Variants in LSM3 observed in about 807,000 individuals in gnomAD.
The protein encoded by LSM3 is LSM3 homolog, U6 small nuclear RNA and mRNA degradation associated, also known as U6 snRNA-associated Sm-like protein LSm3.
A neutral mutation model predicts 15.4 loss-of-function variants in LSM3; 14 were observed. That is an observed-to-expected ratio of 0.91 (90% CI 0.60 to 1.42). The LOEUF (loss-of-function observed/expected upper bound fraction) is 1.42. Ranked by LOEUF, LSM3 falls within the 40% of genes most tolerant of loss-of-function variation. The pLI is 0.00. For missense variants in LSM3, 88 were observed against 127.9 expected (o/e 0.69, Z 1.50); for synonymous variants, 46 against 45.1 (o/e 1.02, Z -0.08).
At chr3:14,184,956 C>G (rs1697074487) in intron 3 of LSM3, among the ~76,000 whole-genome samples, 1 of 152,044 alleles carries the variant, frequency 6.6e-6, no homozygotes, top group Non-Finnish European at 1.5e-5. Flanking sequence ...ACTTGGGAGG[C>G]TGAGGCAGGA....
intron 3 of LSM3, among the ~76,000 whole-genome samples, chr3:14,192,738 GTC>G (rs1323848744): frequency 2.0e-5 from 3 of 152,188 alleles, no homozygotes; most frequent in Non-Finnish European, 2.9e-5. Flanking sequence ...CAGTTTGCCA[GTC>G]TGTTTCTTTT....
chr3:14,196,406 T>C (rs184577950), intron 3 of LSM3, among the ~76,000 whole-genome samples: 2 of 152,126 alleles, frequency 1.3e-5, no homozygotes, highest in Admixed American at 1.3e-4. Flanking sequence ...TGACTTTCGG[T>C]TTTCTCCGTC....
In LSM3 at chr3:14,185,730, G is replaced by C. The variant is rs368273281; in HGVS notation, c.228+1698G>C. ...GTAACAGTAAACTTTTCGTACTCTTGTTAGGTGAAAATTCATTAATCTGCC... is the reference window on the plus strand; with the variant it reads ...GTAACAGTAAACTTTTCGTACTCTTCTTAGGTGAAAATTCATTAATCTGCC... On this transcript the variant is annotated intron_variant, in intron 3 of 3. Transcript: ENST00000306024. Among the ~76,000 whole-genome samples, 77 of 152,272 alleles carry C rather than the reference G, an allele frequency of 5.1e-4. 1 individual carries two copies. In the South Asian group the frequency reaches 0.015, roughly 30 times the overall value.
chr3:14,184,145 A>G (rs1325036848), intron 3 of LSM3, 113 bp downstream of exon 3: 1 of 1,296,244 alleles, frequency 7.7e-7, no homozygotes. Context: ...TTATGGACTC[A>G]GTAGAGCATA....
intron 3 of LSM3, among the ~76,000 whole-genome samples, chr3:14,197,238 G>A (rs1437646840): frequency 1.3e-5 from 2 of 152,184 alleles, no homozygotes; most frequent in East Asian, 1.9e-4. Flanking sequence ...GAGCTTTTCT[G>A]TTTCTTCTAC....
intron 1 of LSM3, among the ~76,000 whole-genome samples, chr3:14,180,307 T>G (rs1271220629): frequency 1.3e-5 from 2 of 152,146 alleles, no homozygotes. Flanking sequence ...TTCTTTTTTT[T>G]GGATGGAGTC....
chr3:14,186,707 A>G (rs1697092903), intron 3 of LSM3, among the ~76,000 whole-genome samples: 1 of 152,096 alleles, frequency 6.6e-6, no homozygotes, highest in Non-Finnish European at 1.5e-5. Context: ...AATTTCATTT[A>G]TTAACTATTG....
Position 14,198,229 on chromosome 3 carries a change from C to T in LSM3, c.*113C>T. On this transcript the variant is annotated 3_prime_UTR_variant, in exon 4 of 4. Coordinates refer to ENST00000306024, the MANE Select transcript of LSM3 (RefSeq NM_014463.3). ...TACATTTTGATATTAAGAAATAATT[C>T]CGGGGATTCTTCCACTCCTGAAATG... The T allele has an allele frequency of 1.3e-6, 1 of 775,856 alleles. No individual in the cohort carries two copies. The highest frequency in any genetic ancestry group is 2.2e-6 in the Non-Finnish European group (1 of 459,062). The allele number at this position is 775,856 out of a possible 1,614,324, so 48.1% of individuals were successfully genotyped here.
At chr3:14,186,377 A>G (rs1307865311) in intron 3 of LSM3, among the ~76,000 whole-genome samples, 1 of 152,218 alleles carries the variant, frequency 6.6e-6, no homozygotes, top group Non-Finnish European at 1.5e-5. Context: ...GTAAAATGGG[A>G]GTAATGATAG....
rs1276478807 is a variant in LSM3 at position 14,184,685 on chromosome 3, A to G, written c.228+653A>G. ...GGCAGGAGAATGGCGTGAACCCGGG[A>G]GGCGGAGCTTGCAGTGAGCCGAGAT... On this transcript the variant is annotated intron_variant, in intron 3 of 3. Transcript: ENST00000306024. Among the ~76,000 whole-genome samples, 33 of 149,252 alleles carry G rather than the reference A, an allele frequency of 2.2e-4. No individual in the cohort carries two copies. The East Asian group carries it at 4.8e-3, about 22-fold the overall frequency.
At chr3:14,188,736 G>A (rs1697113262) in intron 3 of LSM3, among the ~76,000 whole-genome samples, 1 of 150,250 alleles carries the variant, frequency 6.7e-6, no homozygotes, top group Non-Finnish European at 1.5e-5. Flanking sequence ...CTGTTTTCCT[G>A]TTGATGGACA....
rs1202946856 is a variant in LSM3 at position 14,198,612 on chromosome 3, A to C, written c.*496A>C. The C allele has an allele frequency of 6.5e-6, 1 of 154,692 alleles. No individual in the cohort carries two copies. Among genetic ancestry groups the C allele is most frequent in the Non-Finnish European group, 1.4e-5 (1 of 69,846 alleles). 9.6% of individuals were successfully genotyped at this position (154,692 alleles called of 1,614,324 possible). On this transcript the variant is annotated 3_prime_UTR_variant, in exon 4 of 4. Coordinates refer to ENST00000306024, the MANE Select transcript of LSM3 (RefSeq NM_014463.3). ...GGTGGCTCATGCCTGTAATCCCAGC[A>C]CTTTGGGAGGCCAAGGTGGGTGGAT...
chr3:14,183,811 T>C, intron 2 of LSM3, 126 bp from the exon 3 acceptor site: 1 of 579,602 alleles, frequency 1.7e-6, no homozygotes, highest in East Asian at 3.1e-5. Flanking sequence ...TTTATTTGCA[T>C]GTAAAAGTTT....
chr3:14,184,048 C>G lies in LSM3; in HGVS notation c.228+16C>G. 1 of 1,594,440 alleles carries G rather than the reference C, an allele frequency of 6.3e-7. No individual in the cohort carries two copies. Among genetic ancestry groups the G allele is most frequent in the Non-Finnish European group, 8.5e-7 (1 of 1,173,650 alleles). ...GATATATAAAGTAAGTCATGCAATT[C>G]TATTCATTGCTTTGCAAATATCAGC... On this transcript the variant is annotated intron_variant, in intron 3 of 3. Coordinates refer to ENST00000306024, the MANE Select transcript of LSM3 (RefSeq NM_014463.3).
chr3:14,179,197 T>C (rs1303728752), intron 1 of LSM3, among the ~76,000 whole-genome samples: 1 of 152,230 alleles, frequency 6.6e-6, no homozygotes, highest in Non-Finnish European at 1.5e-5. Context: ...TTGTTATCAT[T>C]AGTGAGCGCA....
In LSM3 at chr3:14,198,613, C is replaced by T. The variant is rs1697206896; in HGVS notation, c.*497C>T. 1 of 154,688 alleles carries T rather than the reference C, an allele frequency of 6.5e-6. No homozygotes were observed. Among genetic ancestry groups the T allele is most frequent in the African/African-American group, 2.4e-5 (1 of 41,464 alleles). The allele number at this position is 154,688 out of a possible 1,614,324, so 9.6% of individuals were successfully genotyped here. ...GTGGCTCATGCCTGTAATCCCAGCA[C>T]TTTGGGAGGCCAAGGTGGGTGGATC... On this transcript the variant is annotated 3_prime_UTR_variant, in exon 4 of 4. Transcript: ENST00000306024.
In LSM3 at chr3:14,199,944, C is replaced by T. The variant is rs1413372725; in HGVS notation, c.*1828C>T. 3 of 152,230 alleles carry T rather than the reference C, an allele frequency of 2.0e-5. No individual in the cohort carries two copies. The highest frequency in any genetic ancestry group is 2.4e-5 in the African/African-American group (1 of 41,434). 9.4% of individuals were successfully genotyped at this position (152,230 alleles called of 1,614,324 possible). ...CGTGGGGTGACAGGCCATCTGGCCT[C>T]GCTCTGCCAGTCTGCAGTTCTCCCC... is the stretch of plus-strand genomic sequence containing the variant. On this transcript the variant is annotated 3_prime_UTR_variant, in exon 4 of 4. Transcript: ENST00000306024.
At chr3:14,191,697 C>G (rs1697141277) in intron 3 of LSM3, among the ~76,000 whole-genome samples, 1 of 151,940 alleles carries the variant, frequency 6.6e-6, no homozygotes, top group Non-Finnish European at 1.5e-5. Context: ...GTCTGGCTAG[C>G]AGTCTATTTT....
In LSM3 at chr3:14,199,518, CAT is replaced by C. The variant is rs1415521136; in HGVS notation, c.*1405_*1406del. The C allele has an allele frequency of 6.6e-6, 1 of 152,184 alleles. No homozygotes were observed. Among genetic ancestry groups the C allele is most frequent in the Non-Finnish European group, 1.5e-5 (1 of 68,030 alleles). The allele number at this position is 152,184 out of a possible 1,614,324, so 9.4% of individuals were successfully genotyped here. A position where few individuals can be genotyped will look rare whatever the true frequency, so the allele number is the denominator to read the frequency against. On this transcript the variant is annotated 3_prime_UTR_variant, in exon 4 of 4. Transcript: ENST00000306024. Reference sequence around the variant, plus strand: ...GTGCAAGAAAGATGCTTTCAGTAAACATATTTAAAAGGTTTTATTTTCCTTAC... The same window carrying C: ...GTGCAAGAAAGATGCTTTCAGTAAACATTTAAAAGGTTTTATTTTCCTTAC...
Sources: gnomAD v4.1 joint callset for allele counts (sites outside exome capture counted in the v4.1 genomes callset) on GRCh38, gnomAD v4.1.1 for gene constraint, MANE v1.5 for transcripts, NCBI Gene and HGNC (gene_info 2026-07-23, HGNC 2026-07-21) for gene names.